Variants in NPAS2 observed in about 807,000 individuals in gnomAD.
The protein encoded by NPAS2 is neuronal PAS domain protein 2, also known as neuronal PAS domain-containing protein 2.
Under a neutral mutation model 107.5 loss-of-function variants are expected in NPAS2, and 23 were observed. The observed-to-expected ratio is 0.21, with a 90% CI of 0.15 to 0.30. The LOEUF (loss-of-function observed/expected upper bound fraction) is 0.30. Among genes scored for constraint, NPAS2 ranks in the 10% least tolerant of loss-of-function variants. The pLI, the probability that NPAS2 is intolerant of heterozygous loss-of-function variation, is 1.00. For synonymous variants in NPAS2, 403 were observed against 417.5 expected, an observed-to-expected ratio of 0.97 and a Z score of 0.42; for missense variants, 756 against 1,043.3, an observed-to-expected ratio of 0.72 and a Z score of 3.79.
intron 1 of NPAS2, among the ~76,000 whole-genome samples, chr2:100,834,140 T>C (rs1573419950): frequency 6.6e-6 from 1 of 152,198 alleles, no homozygotes; most frequent in African/African-American, 2.4e-5. Flanking sequence ...GGCTCAGTGC[T>C]TCTCTTTCTC....
chr2:100,884,479 A>G (rs556925270), intron 1 of NPAS2, among the ~76,000 whole-genome samples: 12 of 152,334 alleles, frequency 7.9e-5, no homozygotes, highest in East Asian at 7.7e-4. Flanking sequence ...TGCCCCTTGA[A>G]TAAGTATCCC....
chr2:100,985,744 T>C (rs2105298652), intron 16 of NPAS2: 1 of 152,362 alleles, frequency 6.6e-6, no homozygotes, highest in Admixed American at 6.5e-5. Flanking sequence ...TAATAAGATA[T>C]ATGCTCTTAA....
At chr2:100,981,968 G>A (rs1325468041) in intron 15 of NPAS2, among the ~76,000 whole-genome samples, 1 of 152,126 alleles carries the variant, frequency 6.6e-6, no homozygotes, top group East Asian at 1.9e-4. Flanking sequence ...CGGACTGCAG[G>A]GCAGTAAGTC....
intron 5 of NPAS2, among the ~76,000 whole-genome samples, chr2:100,939,653 G>A (rs1337908639): frequency 6.6e-6 from 1 of 152,140 alleles, no homozygotes; most frequent in African/African-American, 2.4e-5. Context: ...GGCACTGACC[G>A]AAAGCAACCA....
At chr2:100,995,230 C>A in intron 20 of NPAS2, 170 bp from the exon 21 acceptor site, 3 of 541,096 alleles carry the variant, frequency 5.5e-6, no homozygotes, top group Non-Finnish European at 9.7e-6. Flanking sequence ...TAGTCCCCAT[C>A]CCCACCACAC....
chr2:100,982,235 C>G lies in NPAS2; in HGVS notation c.1487C>G (p.Ser496Trp), dbSNP rs530175072. The change falls in exon 16 of 21, where the codon TCG becomes TGG. Residue 496 changes from serine (S) to tryptophan (W), a missense_variant. Around this residue, in one of 4 missense-constraint regions of NPAS2, gnomAD observed 496 missense variants for 594.4 expected, o/e 0.83. Coordinates refer to ENST00000335681, the MANE Select transcript of NPAS2 (RefSeq NM_002518.4). ...TTTTTCGGCTCCACCTTGAAGTTTT[C>G]GGCACAGTTCAGCATGTTCCAGACC... is the stretch of plus-strand genomic sequence containing the variant. ...QSTPAPMAQF[S>W]AQFSMFQTIK... The G allele has an allele frequency of 6.2e-7, 1 of 1,614,018 alleles. No individual in the cohort carries two copies. Among genetic ancestry groups the G allele is most frequent in the Non-Finnish European group, 8.5e-7 (1 of 1,179,992 alleles).
intron 1 of NPAS2, among the ~76,000 whole-genome samples, chr2:100,850,600 G>A (rs1231135624): frequency 6.6e-6 from 1 of 152,122 alleles, no homozygotes; most frequent in Non-Finnish European, 1.5e-5. Flanking sequence ...GTCTGTCACT[G>A]GATGAATGGA....
intron 1 of NPAS2, among the ~76,000 whole-genome samples, chr2:100,866,115 TAGCTGTGC>T (rs1679234347): frequency 6.6e-6 from 1 of 152,180 alleles, no homozygotes; most frequent in Non-Finnish European, 1.5e-5. Context: ...TGCAGGGCCC[TAGCTGTGC>T]CATCAGTGAG....
At chr2:100,862,601 T>C (rs1192671127) in intron 1 of NPAS2, among the ~76,000 whole-genome samples, 1 of 152,136 alleles carries the variant, frequency 6.6e-6, no homozygotes, top group Non-Finnish European at 1.5e-5. Flanking sequence ...ACCATAACCT[T>C]CCTCAGTAGA....
intron 1 of NPAS2, among the ~76,000 whole-genome samples, chr2:100,850,357 C>T (rs1678087642): frequency 6.6e-6 from 1 of 152,272 alleles, no homozygotes; most frequent in South Asian, 2.1e-4. Flanking sequence ...AAGTCTTCAG[C>T]CTCCAAAGGT....
Position 100,995,620 on chromosome 2 carries a change from C to T in NPAS2, c.*38C>T, listed in dbSNP as rs1004799670. 2 of 1,585,606 alleles carry T rather than the reference C, an allele frequency of 1.3e-6. No homozygotes were observed. The highest frequency in any genetic ancestry group is 1.8e-5 in the Admixed American group (1 of 56,816). On this transcript the variant is annotated 3_prime_UTR_variant, in exon 21 of 21. Coordinates refer to ENST00000335681, the MANE Select transcript of NPAS2 (RefSeq NM_002518.4). ...GAAGTCGGGACACAATCAGCTTTAACCAATGGATGAGGGGGGTGGCCACAG... is the reference window on the plus strand; with the variant it reads ...GAAGTCGGGACACAATCAGCTTTAATCAATGGATGAGGGGGGTGGCCACAG...
chr2:100,818,821 C>G (rs1331709066), upstream of NPAS2, among the ~76,000 whole-genome samples: 5 of 152,358 alleles, frequency 3.3e-5, no homozygotes, highest in East Asian at 5.8e-4. Context: ...GGAGCGGAGA[C>G]CTCGTGGGAG....
chr2:100,967,440 A>T (rs1437406291), intron 10 of NPAS2, among the ~76,000 whole-genome samples: 1 of 151,404 alleles, frequency 6.6e-6, no homozygotes, highest in Non-Finnish European at 1.5e-5. Context: ...ATTCGCCAGG[A>T]TGGTCTCGAT....
At chr2:100,842,082 CACACACA>C (rs1558798445) in intron 1 of NPAS2, among the ~76,000 whole-genome samples, 1 of 33,678 alleles carries the variant, frequency 3.0e-5, no homozygotes, top group Non-Finnish European at 6.1e-5. Context: ...CATGTACGCG[CACACACA>C]CACACACACA....
At chr2:100,990,221 C>T (rs1366359452) in intron 17 of NPAS2, 35 bp from the exon 18 acceptor site, 2 of 1,603,958 alleles carry the variant, frequency 1.2e-6, no homozygotes, top group South Asian at 1.1e-5. Context: ...GGGTTGAGTC[C>T]AAGTCTTACC....
At chr2:100,983,808 T>G (rs888981668) in intron 16 of NPAS2, 1 of 152,350 alleles carries the variant, frequency 6.6e-6, no homozygotes, top group African/African-American at 2.4e-5. Flanking sequence ...GGAATATTTT[T>G]CTCACTGATC....
intron 5 of NPAS2, among the ~76,000 whole-genome samples, chr2:100,947,350 A>G (rs1674961600): frequency 6.6e-6 from 1 of 152,152 alleles, no homozygotes; most frequent in Non-Finnish European, 1.5e-5. Context: ...CAGGAGTTCA[A>G]GACCAGCCTG....
At chr2:100,935,155 T>C (rs894686132) in intron 4 of NPAS2, 1 of 939,820 alleles carries the variant, frequency 1.1e-6, no homozygotes, top group Non-Finnish European at 1.3e-6. Context: ...TGGCAAAGAC[T>C]GTGGCTACCA....
At chr2:100,890,516 C>A (rs1052445444) in intron 1 of NPAS2, among the ~76,000 whole-genome samples, 1 of 152,254 alleles carries the variant, frequency 6.6e-6, no homozygotes, top group Middle Eastern at 3.4e-3. Flanking sequence ...TGTCCCTGTA[C>A]CCTCAGGTCA....
Sources: gnomAD v4.1 joint callset for allele counts (sites outside exome capture counted in the v4.1 genomes callset) on GRCh38, gnomAD v4.1.1 for gene constraint, gnomAD v4.1.1 regional missense constraint, MANE v1.5 for transcripts, NCBI Gene and HGNC (gene_info 2026-07-23, HGNC 2026-07-21) for gene names.